Variants in ALK observed in about 807,000 individuals in gnomAD.
The protein encoded by ALK is ALK receptor tyrosine kinase, also known as ALK tyrosine kinase receptor.
In ALK, 74 loss-of-function variants were observed where a neutral mutation model predicts 163.1. The observed-to-expected ratio is 0.45, with a 90% CI of 0.38 to 0.55. The LOEUF (loss-of-function observed/expected upper bound fraction) is 0.55. Ranked by LOEUF, ALK falls within the 20% of genes least tolerant of loss-of-function variation. The pLI is 0.00. For missense variants in ALK, 2,063 were observed against 2,105.3 expected, an observed-to-expected ratio of 0.98 and a Z score of 0.39; for synonymous variants, 960 against 843.2, an observed-to-expected ratio of 1.14 and a Z score of -2.40.
At chr2:29,605,151 A>T (rs1001318996) in intron 3 of ALK, among the ~76,000 whole-genome samples, 1 of 151,260 alleles carries the variant, frequency 6.6e-6, no homozygotes, top group African/African-American at 2.5e-5. Context: ...TTCCACGGAC[A>T]GGGGGGTGGG....
chr2:29,233,600 C>T lies in ALK; in HGVS notation c.2452G>A (p.Gly818Arg), dbSNP rs777803249. The change falls in exon 14 of 29, where the codon GGA becomes AGA. Residue 818 changes from glycine (G) to arginine (R), a missense_variant. Physicochemically the swap from Gly to Arg is moderately radical, Grantham distance 125. This residue lies in a region of ALK where 575 missense variants were observed against 626.6 expected (regional missense o/e 0.92). Transcript: ENST00000389048. ...NRSVHEWAGG[G>R]GGGGGATYVF... ...TAGGTGGCTCCACCCCCTCCTCCTC[C>T]GCCTCCTGCCCACTCATGCACGCTT... is the stretch of plus-strand genomic sequence containing the variant. 22 of 1,614,114 alleles carry T rather than the reference C, an allele frequency of 1.4e-5. No individual in the cohort carries two copies. The highest frequency in any genetic ancestry group is 1.8e-5 in the Non-Finnish European group (21 of 1,180,050).
intron 2 of ALK, among the ~76,000 whole-genome samples, chr2:29,712,292 T>A (rs889082524): frequency 6.6e-6 from 1 of 152,100 alleles, no homozygotes; most frequent in Non-Finnish European, 1.5e-5. Flanking sequence ...AGCTTGTAGA[T>A]GAAAATACAG....
At chr2:29,902,000 G>A (rs1424426303) in intron 1 of ALK, among the ~76,000 whole-genome samples, 1 of 152,154 alleles carries the variant, frequency 6.6e-6, no homozygotes, top group Non-Finnish European at 1.5e-5. Context: ...AATTCAGCAA[G>A]CTTTTCATTT....
chr2:29,578,508 A>T (rs747977577), intron 3 of ALK, among the ~76,000 whole-genome samples: 11 of 152,178 alleles, frequency 7.2e-5, no homozygotes, highest in Non-Finnish European at 1.2e-4. Context: ...TGGTTATTCC[A>T]GTGTTTTCCT....
At chr2:29,687,243 T>C (rs1258288089) in intron 3 of ALK, among the ~76,000 whole-genome samples, 1 of 151,936 alleles carries the variant, frequency 6.6e-6, no homozygotes, top group East Asian at 1.9e-4. Flanking sequence ...TGCACACTTA[T>C]TTTCCACATT....
At chr2:29,808,183 G>A (rs545019543) in intron 1 of ALK, among the ~76,000 whole-genome samples, 1 of 152,292 alleles carries the variant, frequency 6.6e-6, no homozygotes, top group African/African-American at 2.4e-5. Flanking sequence ...CTAAGTACAA[G>A]TTACACAAAG....
chr2:29,222,671 G>T (rs2148169629), intron 20 of ALK, 64 bp from the exon 21 acceptor site: 5 of 1,470,998 alleles, frequency 3.4e-6, no homozygotes, highest in East Asian at 4.7e-5. Context: ...GGCAGCTGGG[G>T]GTCCTGAGCC....
intron 1 of ALK, among the ~76,000 whole-genome samples, chr2:29,876,566 T>C (rs576910451): frequency 6.6e-6 from 1 of 151,956 alleles, no homozygotes; most frequent in East Asian, 1.9e-4. Flanking sequence ...GTAATGATGA[T>C]GCTGATGGTG....
chr2:29,334,310 T>C (rs1450259431), intron 5 of ALK, among the ~76,000 whole-genome samples: 1 of 152,178 alleles, frequency 6.6e-6, no homozygotes, highest in African/African-American at 2.4e-5. Context: ...TCAGACAGTG[T>C]CTGGTATAAA....
rs371024415 is a variant in ALK, at chr2:29,527,491, C to G, written c.1154+4424G>C. ...GTGGAGATGAGTCCTGGCTTTGCCA[C>G]GAGCAGGCAGTTTTGTTTCTTAGTT... On this transcript the variant is annotated intron_variant, in intron 4 of 28. Transcript: ENST00000389048. Among the ~76,000 whole-genome samples, 9 of 152,108 alleles carry G rather than the reference C, an allele frequency of 5.9e-5. No homozygotes were observed. In the East Asian group the frequency reaches 1.7e-3, roughly 30 times the overall value.
chr2:29,216,076 G>A (rs1168830918), intron 23 of ALK, among the ~76,000 whole-genome samples: 1 of 152,130 alleles, frequency 6.6e-6, no homozygotes, highest in South Asian at 2.1e-4. Context: ...CTGCACAGGC[G>A]GGCAGCAGAG....
At chr2:29,673,896 C>A (rs1677787172) in intron 3 of ALK, among the ~76,000 whole-genome samples, 1 of 150,924 alleles carries the variant, frequency 6.6e-6, no homozygotes, top group South Asian at 2.1e-4. Context: ...TCCTTCACAT[C>A]CCTTGTAAGT....
At chr2:29,304,493 T>TA (rs70958256) in intron 8 of ALK, among the ~76,000 whole-genome samples, 54,677 of 125,298 alleles carry the variant, frequency 0.44, 12,108 homozygotes, top group African/African-American at 0.48. Context: ...AGACTGTGTC[T>TA]AAAAAAAAAA....
chr2:29,601,612 T>C (rs1462503711), intron 3 of ALK, among the ~76,000 whole-genome samples: 1 of 152,102 alleles, frequency 6.6e-6, no homozygotes, highest in African/African-American at 2.4e-5. Flanking sequence ...GGCAGAATTA[T>C]GGTGCTCACT....
At chr2:29,259,658 T>C (rs1383881765) in intron 11 of ALK, among the ~76,000 whole-genome samples, 1 of 152,112 alleles carries the variant, frequency 6.6e-6, no homozygotes, top group Non-Finnish European at 1.5e-5. Context: ...TTTGCTTAGG[T>C]GTCCAAAGTA....
At chr2:29,715,357 T>A (rs1425151498) in intron 2 of ALK, among the ~76,000 whole-genome samples, 1 of 152,190 alleles carries the variant, frequency 6.6e-6, no homozygotes, top group African/African-American at 2.4e-5. Context: ...AGGGAAATCA[T>A]GAGGATTCCA....
In ALK at chr2:29,383,770, G is replaced by C. The variant is rs557479660; in HGVS notation, c.1244C>G (p.Ser415Cys). The C allele has an allele frequency of 6.2e-7, 1 of 1,614,168 alleles. No individual in the cohort carries two copies. The highest frequency in any genetic ancestry group is 1.1e-5 in the South Asian group (1 of 91,086). Reference sequence around the variant, plus strand: ...CTTCAGGGCAAAGAAGTCCACTGCAGACAAGCTGCGGTTTCCACTGGAGAT... The same window carrying C: ...CTTCAGGGCAAAGAAGTCCACTGCACACAAGCTGCGGTTTCCACTGGAGAT... ...EYISSGNRSL[S>C]AVDFFALKNC... The change falls in exon 5 of 29, where the codon TCT (serine) becomes TGT (cysteine). Residue 415 changes from serine (S) to cysteine (C), a missense_variant. Physicochemically the swap from Ser to Cys is moderately radical, Grantham distance 112. Transcript: ENST00000389048.
chr2:29,787,093 C>T (rs1228899529), intron 1 of ALK, among the ~76,000 whole-genome samples: 1 of 151,896 alleles, frequency 6.6e-6, no homozygotes, highest in Non-Finnish European at 1.5e-5. Flanking sequence ...CCATGCCCGG[C>T]CTTCCCTGGG....
intron 4 of ALK, among the ~76,000 whole-genome samples, chr2:29,496,610 T>G (rs181068316): frequency 1.3e-5 from 2 of 152,294 alleles, no homozygotes; most frequent in Admixed American, 1.3e-4. Context: ...AATATGACCT[T>G]CTCCTAGCTT....
Sources: gnomAD v4.1 joint callset for allele counts (sites outside exome capture counted in the v4.1 genomes callset) on GRCh38, gnomAD v4.1.1 for gene constraint, gnomAD v4.1.1 regional missense constraint, MANE v1.5 for transcripts, NCBI Gene and HGNC (gene_info 2026-07-23, HGNC 2026-07-21) for gene names.